Variants in HPRT1 observed in about 807,000 individuals in gnomAD.
HPRT1 encodes hypoxanthine phosphoribosyltransferase 1.
Under a neutral mutation model 19.0 loss-of-function variants are expected in HPRT1, and 4 were observed. The observed-to-expected ratio is 0.21, with a 90% CI of 0.10 to 0.48. The LOEUF (loss-of-function observed/expected upper bound fraction) is 0.48. Among genes scored for constraint, HPRT1 ranks in the 20% least tolerant of loss-of-function variants. The pLI is 0.98. For missense variants in HPRT1, 65 were observed against 164.0 expected (o/e 0.40, Z 3.30); for synonymous variants, 53 against 54.9 (o/e 0.97, Z 0.15).
chrX:134,473,608 A>C (rs753709252), intron 2 of HPRT1, 143 bp downstream of exon 2: 1 of 447,069 alleles, frequency 2.2e-6, no homozygotes, highest in African/African-American at 2.5e-5. Context: ...TTCTTTATTA[A>C]AAATAAAAGA....
chrX:134,460,489 T>G, intron 1 of HPRT1, 151 bp downstream of exon 1: 1 of 358,505 alleles, frequency 2.8e-6, no homozygotes, highest in Non-Finnish European at 4.3e-6. Flanking sequence ...GGGTTCGGCT[T>G]TACGTCACGC....
intron 2 of HPRT1, among the ~76,000 whole-genome samples, chrX:134,474,613 C>T (rs2077619227): frequency 9.1e-6 from 1 of 109,995 alleles, no homozygotes; most frequent in Admixed American, 9.8e-5. Flanking sequence ...AAACAGGGTT[C>T]GCCATGTTAC....
intron 3 of HPRT1, among the ~76,000 whole-genome samples, chrX:134,477,067 A>T (rs757624564): frequency 0.049 from 4,144 of 84,147 alleles, 215 homozygotes; most frequent in Admixed American, 0.24. Flanking sequence ...TTATTTATTT[A>T]TTTTTTTTTT....
intron 4 of HPRT1, among the ~76,000 whole-genome samples, chrX:134,488,380 A>G (rs1369620206): frequency 9.1e-6 from 1 of 110,249 alleles, no homozygotes; most frequent in African/African-American, 3.3e-5. Flanking sequence ...TCAGGTATCC[A>G]CCTGCCTCAG....
intron 3 of HPRT1, among the ~76,000 whole-genome samples, chrX:134,483,017 C>T (rs1401069854): frequency 9.3e-6 from 1 of 107,834 alleles, no homozygotes; most frequent in Non-Finnish European, 1.9e-5. Context: ...GACTGTTTTC[C>T]GATAAAAAAA....
chrX:134,480,243 C>T (rs1011254423), intron 3 of HPRT1, among the ~76,000 whole-genome samples: 2 of 110,945 alleles, frequency 1.8e-5, no homozygotes, highest in African/African-American at 6.5e-5. Context: ...TGATTTGAAC[C>T]CAATCTTTTA....
intron 1 of HPRT1, among the ~76,000 whole-genome samples, chrX:134,468,754 CA>C (rs150188289): frequency 0.011 from 360 of 32,453 alleles, no homozygotes; most frequent in East Asian, 0.03. Context: ...GACTCCGTCT[CA>C]AAAAAAAAAA....
chrX:134,482,779 T>A (rs6638244), intron 3 of HPRT1, among the ~76,000 whole-genome samples: 1 of 109,679 alleles, frequency 9.1e-6, no homozygotes, highest in East Asian at 2.9e-4. Context: ...TTCATACTTA[T>A]TTTTTCTGCA....
chrX:134,497,370 G>A lies in HPRT1; in HGVS notation c.486-1020G>A, dbSNP rs769479681. 1.1e-4 allele frequency among the ~76,000 whole-genome samples: 12 copies of A among 111,593 alleles called. No homozygotes were observed. The South Asian group carries it at 1.1e-3, about 10-fold the overall frequency. Reference sequence around the variant, plus strand: ...TGTGAGGCCGGGCGCAGTGGCTCACGCCTGTGATCCCAGCACTTTGGGAGG... The same window carrying A: ...TGTGAGGCCGGGCGCAGTGGCTCACACCTGTGATCCCAGCACTTTGGGAGG... On this transcript the variant is annotated intron_variant, in intron 6 of 8. Transcript: ENST00000298556.
intron 5 of HPRT1, among the ~76,000 whole-genome samples, chrX:134,490,544 T>C (rs1602746845): frequency 9.3e-6 from 1 of 107,393 alleles, no homozygotes; most frequent in Admixed American, 1.0e-4. Flanking sequence ...TTATGTAATA[T>C]TTGGTACATA....
intron 3 of HPRT1, among the ~76,000 whole-genome samples, chrX:134,476,463 GTGATTGATTGAT>G (rs17882974): frequency 5.4e-5 from 6 of 112,106 alleles, no homozygotes; most frequent in Non-Finnish European, 7.5e-5. Flanking sequence ...CTCAACAAAA[GTGATTGATTGAT>G]TGATTGATTG....
chrX:134,464,311 G>T (rs1233987813), intron 1 of HPRT1, among the ~76,000 whole-genome samples: 3 of 111,705 alleles, frequency 2.7e-5, no homozygotes, highest in African/African-American at 9.7e-5. Flanking sequence ...TTTACATTTA[G>T]GAATATTGCA....
intron 3 of HPRT1, among the ~76,000 whole-genome samples, chrX:134,481,116 G>A (rs1416673881): frequency 9.2e-6 from 1 of 108,207 alleles, no homozygotes; most frequent in African/African-American, 3.4e-5. Context: ...TTGTTTTGGT[G>A]GCAAGAGGAG....
intron 6 of HPRT1, among the ~76,000 whole-genome samples, chrX:134,497,155 A>G (rs1420444528): frequency 9.0e-6 from 1 of 111,682 alleles, no homozygotes; most frequent in Non-Finnish European, 1.9e-5. Flanking sequence ...TCCTCTTTGT[A>G]AGCCAGTTAT....
chrX:134,491,135 C>T (rs1442871813), intron 5 of HPRT1, among the ~76,000 whole-genome samples: 3 of 107,665 alleles, frequency 2.8e-5, no homozygotes, highest in Non-Finnish European at 5.8e-5. Flanking sequence ...TTTTCATTGC[C>T]CCACAAAGAA....
intron 3 of HPRT1, among the ~76,000 whole-genome samples, chrX:134,475,640 T>G (rs1321497813): frequency 1.8e-5 from 2 of 111,924 alleles, no homozygotes; most frequent in Non-Finnish European, 3.8e-5. Flanking sequence ...TCACTATACA[T>G]ACTGGTGACA....
Position 134,460,234 on chromosome X carries a change from G to GCGCCTCCGCCTCCTCCTCTGCTC in HPRT1, c.-73_-51dup. The GCGCCTCCGCCTCCTCCTCTGCTC allele has an allele frequency of 1.9e-6, 2 of 1,050,085 alleles. No homozygotes were observed. Among genetic ancestry groups the GCGCCTCCGCCTCCTCCTCTGCTC allele is most frequent in the Non-Finnish European group, 2.5e-6 (2 of 790,513 alleles). The allele number at this position is 1,050,085 out of a possible 1,213,427, so 86.5% of individuals were successfully genotyped here. The stretch of plus-strand genomic sequence containing the variant: ...TTCCCGCGCGGCGCCGCCTCTTGCT[G>GCGCCTCCGCCTCCTCCTCTGCTC]CGCCTCCGCCTCCTCCTCTGCTCCG... On this transcript the variant is annotated 5_prime_UTR_variant, in exon 1 of 9. Transcript: ENST00000298556.
In HPRT1 at chrX:134,467,041, C is replaced by CTTTTTTTTTT. The variant is rs779817345; in HGVS notation, c.28-6306_28-6297dup. Among the ~76,000 whole-genome samples the CTTTTTTTTTT allele has an allele frequency of 6.4e-4, 39 of 61,003 alleles. 3 individuals are homozygous for CTTTTTTTTTT. The highest frequency in any genetic ancestry group is 2.5e-3 in the African/African-American group (34 of 13,657). 53.0% of individuals were successfully genotyped at this position (61,003 alleles called of 115,157 possible). A position where few individuals can be genotyped will look rare whatever the true frequency, so the allele number is the denominator to read the frequency against. ...TATGCCTTTCCCACTAGATTTTAAGCTTTTTTTTTTTTTTTTTTTTTGTGA... is the reference window on the plus strand; with the variant it reads ...TATGCCTTTCCCACTAGATTTTAAGCTTTTTTTTTTTTTTTTTTTTTTTTTTTTTTTGTGA... On this transcript the variant is annotated intron_variant, in intron 1 of 8. Transcript: ENST00000298556.
At position 134,468,754 on chromosome X, in the gene HPRT1, CAAAAAAAAAA is replaced by C. The variant is rs150188289; in HGVS notation, c.28-4592_28-4583del. On this transcript the variant is annotated intron_variant, in intron 1 of 8. Transcript: ENST00000298556. ...TGGGCGACAGAGCGAGACTCCGTCT[CAAAAAAAAAA>C]AAAAAAAAAAAATTAGTATTTGATA... Among the ~76,000 whole-genome samples, 101 of 32,471 alleles carry C rather than the reference CAAAAAAAAAA, an allele frequency of 3.1e-3. 1 individual carries two copies. The highest frequency in any genetic ancestry group is 0.01 in the African/African-American group (99 of 9,715). The allele number at this position is 32,471 out of a possible 115,157, so 28.2% of individuals were successfully genotyped here. A position where few individuals can be genotyped will look rare whatever the true frequency, so the allele number is the denominator to read the frequency against.
Sources: allele counts gnomAD v4.1 joint callset (sites outside exome capture counted in the v4.1 genomes callset), GRCh38; gene constraint gnomAD v4.1.1; transcripts MANE v1.5; gene names NCBI Gene and HGNC (gene_info 2026-07-23, HGNC 2026-07-21).